GAN: variants seen among roughly 807,000 people sequenced by gnomAD.
The protein encoded by GAN is gigaxonin, also known as epididymis secretory sperm binding protein.
A neutral mutation model predicts 71.3 loss-of-function variants in GAN; 48 were observed. That is an observed-to-expected ratio of 0.67 (90% CI 0.53 to 0.86). The LOEUF (loss-of-function observed/expected upper bound fraction) is 0.86. Ranked by LOEUF, GAN falls within the 40% of genes least tolerant of loss-of-function variation. The probability of loss-of-function intolerance (pLI) is 0.00; values close to 1 mark genes in which losing one functional copy is unlikely to be tolerated. For missense variants in GAN, 928 were observed against 770.1 expected (o/e 1.21, Z -2.43); for synonymous variants, 386 against 276.8 (o/e 1.39, Z -3.92).
chr16:81,354,205 C>T (rs1388146335), intron 2 of GAN, among the ~76,000 whole-genome samples, 200 bp from the exon 3 acceptor site: 2 of 150,402 alleles, frequency 1.3e-5, no homozygotes, highest in Admixed American at 6.6e-5. Context: ...GTTAACCAAG[C>T]ACACATTTGC....
Position 81,364,966 on chromosome 16 carries a change from G to C in GAN, c.1237-8G>C. ...TGCCTCTCCCCCACCATTGTTCTCTGCTTTCAGATCGGCTGCTATGCAGCT... is the reference window on the plus strand; with the variant it reads ...TGCCTCTCCCCCACCATTGTTCTCTCCTTTCAGATCGGCTGCTATGCAGCT... On this transcript the variant is annotated splice_polypyrimidine_tract_variant and splice_region_variant and intron_variant, in intron 7 of 10. Coordinates refer to ENST00000648994, the MANE Select transcript of GAN (RefSeq NM_022041.4). The C allele has an allele frequency of 6.2e-7, 1 of 1,613,900 alleles. No individual in the cohort carries two copies.
At chr16:81,360,045 GGATGGA>G (rs1910621725) in intron 5 of GAN, among the ~76,000 whole-genome samples, 1 of 140,110 alleles carries the variant, frequency 7.1e-6, no homozygotes, top group African/African-American at 2.7e-5. Context: ...ATGGATGGAT[GGATGGA>G]TGGATGGATG....
chr16:81,373,290 C>A (rs760635053), intron 9 of GAN, among the ~76,000 whole-genome samples: 4 of 152,138 alleles, frequency 2.6e-5, no homozygotes, highest in Non-Finnish European at 4.4e-5. Flanking sequence ...CTCTTAAGAC[C>A]ATTTAGATGC....
At chr16:81,322,187 T>C (rs1324851205) in intron 1 of GAN, among the ~76,000 whole-genome samples, 1 of 152,232 alleles carries the variant, frequency 6.6e-6, no homozygotes, top group Non-Finnish European at 1.5e-5. Context: ...AAAATAGAAA[T>C]ACGTAGTACT....
intron 9 of GAN, among the ~76,000 whole-genome samples, chr16:81,369,400 C>T (rs184453305): frequency 1.6e-4 from 24 of 152,356 alleles, no homozygotes; most frequent in Admixed American, 1.4e-3. Flanking sequence ...ATGCCTATCA[C>T]ATCCCCACTT....
intron 5 of GAN, among the ~76,000 whole-genome samples, chr16:81,362,150 G>T (rs974931788): frequency 6.6e-6 from 1 of 152,150 alleles, no homozygotes; most frequent in African/African-American, 2.4e-5. Context: ...ACAGATGTGC[G>T]CTGCGGTGCA....
At chr16:81,315,800 C>A (rs540501822) in intron 1 of GAN, among the ~76,000 whole-genome samples, 1 of 152,364 alleles carries the variant, frequency 6.6e-6, no homozygotes, top group South Asian at 2.1e-4. Flanking sequence ...GCCCTGCCCG[C>A]TGGGAGGCCA....
intron 5 of GAN, among the ~76,000 whole-genome samples, chr16:81,358,409 C>T (rs942272810): frequency 6.6e-6 from 1 of 152,058 alleles, no homozygotes; most frequent in Non-Finnish European, 1.5e-5. Context: ...GAGTTCAAGA[C>T]CAGCCTGGAC....
Position 81,359,405 on chromosome 16 carries a change from G to GTTT in GAN, c.973+1489_973+1491dup, listed in dbSNP as rs71146005. On this transcript the variant is annotated intron_variant, in intron 5 of 10. Coordinates refer to ENST00000648994, the MANE Select transcript of GAN (RefSeq NM_022041.4). Reference sequence around the variant, plus strand: ...TCCTTCCGTTTGTCCAGGCTGCATTGTTTTTTTTTTTTTTTTTGCCTTTTT... The same window carrying GTTT: ...TCCTTCCGTTTGTCCAGGCTGCATTGTTTTTTTTTTTTTTTTTTTTGCCTTTTT... Among the ~76,000 whole-genome samples, 222 of 125,108 alleles carry GTTT rather than the reference G, an allele frequency of 1.8e-3. 3 individuals carry two copies. The highest frequency in any genetic ancestry group is 5.8e-3 in the African/African-American group (202 of 34,594). The allele number at this position is 125,108 out of a possible 152,430, so 82.1% of individuals were successfully genotyped here. A position where few individuals can be genotyped will look rare whatever the true frequency, so the allele number is the denominator to read the frequency against.
At chr16:81,363,660 C>T in intron 6 of GAN, 134 bp from the exon 7 acceptor site, 1 of 841,032 alleles carries the variant, frequency 1.2e-6, no homozygotes, top group Non-Finnish European at 2.0e-6. Flanking sequence ...CTCTCCCTGT[C>T]TCCTTGCTCT....
chr16:81,356,107 A>T (rs1256614374), intron 3 of GAN, among the ~76,000 whole-genome samples: 1 of 152,210 alleles, frequency 6.6e-6, no homozygotes, highest in African/African-American at 2.4e-5. Flanking sequence ...TGCTGGGAAA[A>T]CGAGGCAGTT....
chr16:81,353,417 C>G (rs1910371947), intron 2 of GAN, among the ~76,000 whole-genome samples: 1 of 152,172 alleles, frequency 6.6e-6, no homozygotes, highest in South Asian at 2.1e-4. Context: ...CTACAGCTGC[C>G]TGCTGTCTTG....
In GAN at chr16:81,380,393, T is replaced by G. The variant is rs1249346151; in HGVS notation, c.*2797T>G. On this transcript the variant is annotated 3_prime_UTR_variant, in exon 11 of 11. Transcript: ENST00000648994. ...TCTCAGGTTAGAATAAGTAAATATT[T>G]AAAGAACCTCTCCTAGGCTGCAGTC... 6.6e-6 allele frequency: 1 copy of G among 152,652 alleles called. No homozygotes were observed. The highest frequency in any genetic ancestry group is 1.5e-5 in the Non-Finnish European group (1 of 68,040). The allele number at this position is 152,652 out of a possible 1,614,324, so 9.5% of individuals were successfully genotyped here.
intron 2 of GAN, among the ~76,000 whole-genome samples, chr16:81,352,174 C>G (rs1380985050): frequency 2.0e-5 from 3 of 152,148 alleles, no homozygotes; most frequent in Non-Finnish European, 2.9e-5. Flanking sequence ...AGATGACTGA[C>G]AGACATGACA....
chr16:81,370,299 C>T (rs754613328), intron 9 of GAN, among the ~76,000 whole-genome samples: 1 of 152,150 alleles, frequency 6.6e-6, no homozygotes, highest in Non-Finnish European at 1.5e-5. Flanking sequence ...CTTTGTAAGA[C>T]GTGTGAACTA....
At chr16:81,365,240 G>A in intron 8 of GAN, 110 bp from the exon 9 acceptor site, 1 of 1,568,636 alleles carries the variant, frequency 6.4e-7, no homozygotes, top group Non-Finnish European at 8.8e-7. Context: ...TCCTGAGAAA[G>A]GAAGGCCCAC....
intron 1 of GAN, among the ~76,000 whole-genome samples, chr16:81,328,944 C>T (rs972348636): frequency 6.6e-6 from 1 of 152,162 alleles, no homozygotes; most frequent in African/African-American, 2.4e-5. Context: ...ATCTCCGTGG[C>T]TAAACAGGCA....
chr16:81,365,973 A>T (rs886317820), intron 9 of GAN, among the ~76,000 whole-genome samples: 2 of 152,140 alleles, frequency 1.3e-5, no homozygotes, highest in Non-Finnish European at 2.9e-5. Flanking sequence ...CAGATACTTT[A>T]TACCGAGCCA....
chr16:81,342,129 A>G (rs562504881), intron 1 of GAN, among the ~76,000 whole-genome samples: 1 of 152,340 alleles, frequency 6.6e-6, no homozygotes, highest in African/African-American at 2.4e-5. Context: ...CCAGATTCAT[A>G]AAGCAAGTTC....
Sources: gnomAD v4.1 joint callset for allele counts (sites outside exome capture counted in the v4.1 genomes callset) on GRCh38, gnomAD v4.1.1 for gene constraint, MANE v1.5 for transcripts, NCBI Gene and HGNC (gene_info 2026-07-23, HGNC 2026-07-21) for gene names.